FRMD6: variants seen among roughly 807,000 people sequenced by gnomAD.
The protein encoded by FRMD6 is FERM domain-containing protein 6.
In FRMD6, 37 loss-of-function variants were observed where a neutral mutation model predicts 73.2. The observed-to-expected ratio is 0.51, with a 90% CI of 0.39 to 0.66. The LOEUF (loss-of-function observed/expected upper bound fraction) is 0.66, where lower values mean the gene tolerates loss of function less well. FRMD6 is among the 30% of genes least tolerant of loss of function. The pLI is 0.00. For missense variants in FRMD6, 714 were observed against 780.5 expected (o/e 0.91, Z 1.02); for synonymous variants, 273 against 282.2 (o/e 0.97, Z 0.33).
At chr14:51,477,563 A>G in the FRMD6 span, among the ~76,000 whole-genome samples, 1 of 152,198 alleles carries the variant, frequency 6.6e-6, no homozygotes, top group Non-Finnish European at 1.5e-5. Context: ...GAATATGATT[A>G]TAAAACTGTA....
At chr14:51,712,128 A>T (rs1896976685) in intron 8 of FRMD6, among the ~76,000 whole-genome samples, 1 of 152,238 alleles carries the variant, frequency 6.6e-6, no homozygotes, top group South Asian at 2.1e-4. Flanking sequence ...AGACACAGGA[A>T]AGTGAAAGGA....
chr14:51,537,539 T>C (rs1885964759), intron 1 of FRMD6, among the ~76,000 whole-genome samples: 1 of 152,212 alleles, frequency 6.6e-6, no homozygotes, highest in South Asian at 2.1e-4. Flanking sequence ...GATTTCTGGA[T>C]CATATGATAA....
rs568084842 is a variant in FRMD6, at chr14:51,540,305, A to G, written c.-209-30043A>G. The stretch of plus-strand genomic sequence containing the variant: ...TCCAGTTGTCAGGCCGGACAGAAGG[A>G]AAATGTTTGCATACAGAGAAAGAAG... On this transcript the variant is annotated intron_variant, in intron 1 of 14. Transcript: ENST00000356218. 5.3e-5 allele frequency among the ~76,000 whole-genome samples: 8 copies of G among 152,282 alleles called. No homozygotes were observed. In the East Asian group the frequency reaches 1.5e-3, roughly 29 times the overall value.
chr14:51,462,259 G>A, the FRMD6 span, among the ~76,000 whole-genome samples: 2 of 152,326 alleles, frequency 1.3e-5, no homozygotes, highest in South Asian at 4.1e-4. Context: ...ACATTGCTGA[G>A]CCTGAGATCC....
intron 2 of FRMD6, among the ~76,000 whole-genome samples, chr14:51,575,176 G>A (rs1888335711): frequency 6.6e-6 from 1 of 152,062 alleles, no homozygotes; most frequent in Non-Finnish European, 1.5e-5. Flanking sequence ...GCTGAGAATG[G>A]CTTAAATTTG....
chr14:51,482,707 T>C, the FRMD6 span, among the ~76,000 whole-genome samples: 1 of 150,726 alleles, frequency 6.6e-6, no homozygotes, highest in African/African-American at 2.4e-5. Flanking sequence ...TGGTTTTTGT[T>C]TGTTTGTTTT....
chr14:51,664,103 T>A (rs973911167), intron 1 of FRMD6, among the ~76,000 whole-genome samples: 3 of 152,202 alleles, frequency 2.0e-5, no homozygotes, highest in African/African-American at 7.2e-5. Context: ...TTGAGGTGGC[T>A]TCTTTTTCAG....
intron 1 of FRMD6, among the ~76,000 whole-genome samples, chr14:51,663,816 C>T (rs1026551519): frequency 4.6e-5 from 7 of 152,292 alleles, no homozygotes; most frequent in East Asian, 3.9e-4. Flanking sequence ...TCCAAGAGCA[C>T]GGCACCAGCA....
chr14:51,665,510 TCTC>T (rs1893520175), intron 1 of FRMD6, among the ~76,000 whole-genome samples: 1 of 152,192 alleles, frequency 6.6e-6, no homozygotes, highest in Admixed American at 6.5e-5. Flanking sequence ...GCTTCTGGCT[TCTC>T]CTTCCGCTGC....
chr14:51,488,092 C>T (rs911282544), upstream of FRMD6, among the ~76,000 whole-genome samples: 2 of 152,182 alleles, frequency 1.3e-5, no homozygotes, highest in Admixed American at 1.3e-4. Context: ...CTAGGGTGGC[C>T]ACCAGCAGCC....
At position 51,530,242 on chromosome 14, in the gene FRMD6, G is replaced by C. The variant is rs182170729; in HGVS notation, c.-209-40106G>C. 4.3e-4 allele frequency among the ~76,000 whole-genome samples: 65 copies of C among 152,206 alleles called. 1 individual carries two copies. The South Asian group carries it at 0.011, about 25-fold the overall frequency. On this transcript the variant is annotated intron_variant, in intron 1 of 14. Transcript: ENST00000356218. ...ATGGTGGACATACTACATAGTGATGGGTTACTGTAGCTCTCTTCCCAGCTC... is the reference window on the plus strand; with the variant it reads ...ATGGTGGACATACTACATAGTGATGCGTTACTGTAGCTCTCTTCCCAGCTC...
intron 2 of FRMD6, among the ~76,000 whole-genome samples, chr14:51,695,498 G>A (rs970880809): frequency 2.0e-5 from 3 of 152,154 alleles, no homozygotes; most frequent in African/African-American, 7.2e-5. Flanking sequence ...AGTGGTGGTG[G>A]TGGGTGGGTT....
intron 1 of FRMD6, among the ~76,000 whole-genome samples, chr14:51,654,581 T>G (rs1479084437): frequency 1.9e-4 from 26 of 136,768 alleles, no homozygotes; most frequent in Admixed American, 5.1e-4. Flanking sequence ...AAGTTGTGGG[T>G]TTTTTTTTTT....
At chr14:51,688,017 C>T (rs111386913) in intron 1 of FRMD6, among the ~76,000 whole-genome samples, 11 of 152,240 alleles carry the variant, frequency 7.2e-5, no homozygotes, top group African/African-American at 2.6e-4. Flanking sequence ...AATACCTGCT[C>T]AGGATTCTGT....
chr14:51,473,531 C>G, the FRMD6 span, among the ~76,000 whole-genome samples: 1 of 152,164 alleles, frequency 6.6e-6, no homozygotes, highest in Non-Finnish European at 1.5e-5. Context: ...GTTCTACACA[C>G]CCTCCATTGA....
intron 1 of FRMD6, among the ~76,000 whole-genome samples, chr14:51,559,064 T>C (rs753884442): frequency 6.6e-6 from 1 of 152,210 alleles, no homozygotes; most frequent in Non-Finnish European, 1.5e-5. Flanking sequence ...CACTGAAACA[T>C]TTTGTTGCCA....
intron 1 of FRMD6, among the ~76,000 whole-genome samples, chr14:51,653,320 T>G (rs1892566048): frequency 6.6e-6 from 1 of 152,102 alleles, no homozygotes; most frequent in Non-Finnish European, 1.5e-5. Flanking sequence ...CAGGGTGTAG[T>G]TTGGGGTTTA....
rs1887835876 is a variant in FRMD6 at position 51,567,409 on chromosome 14, G to A, written c.-209-2939G>A. Among the ~76,000 whole-genome samples the A allele has an allele frequency of 3.3e-5, 5 of 152,206 alleles. No individual in the cohort carries two copies. In the South Asian group the frequency reaches 1.0e-3, roughly 32 times the overall value. Reference sequence around the variant, plus strand: ...TCACCCAGACTGGAGTACAGTGGAGGCATCATAGCTCACTGCAACCTCCAA... The same window carrying A: ...TCACCCAGACTGGAGTACAGTGGAGACATCATAGCTCACTGCAACCTCCAA... On this transcript the variant is annotated intron_variant, in intron 1 of 14. Coordinates refer to the FRMD6 transcript ENST00000356218.
chr14:51,515,348 A>G (rs1884565780), intron 1 of FRMD6, among the ~76,000 whole-genome samples: 1 of 152,226 alleles, frequency 6.6e-6, no homozygotes. Context: ...GCCCAGTGGC[A>G]GGACCTCTAT....
Sources: gnomAD v4.1 joint callset for allele counts (sites outside exome capture counted in the v4.1 genomes callset) on GRCh38, gnomAD v4.1.1 for gene constraint, MANE v1.5 for transcripts, NCBI Gene and HGNC (gene_info 2026-07-23, HGNC 2026-07-21) for gene names.